Variants in NECTIN2 observed in about 807,000 individuals in gnomAD.
The protein encoded by NECTIN2 is nectin cell adhesion molecule 2.
Under a neutral mutation model 56.9 loss-of-function variants are expected in NECTIN2, and 23 were observed. The observed-to-expected ratio is 0.40, with a 90% CI of 0.29 to 0.57. The LOEUF (loss-of-function observed/expected upper bound fraction) is 0.57, where lower values mean the gene tolerates loss of function less well. Ranked by LOEUF, NECTIN2 falls within the 20% of genes least tolerant of loss-of-function variation. The pLI is 0.38. For missense variants in NECTIN2, 587 were observed against 718.3 expected (o/e 0.82, Z 2.09); for synonymous variants, 302 against 313.8 (o/e 0.96, Z 0.40).
Position 44,888,532 on chromosome 19 carries a change from C to A in NECTIN2, c.*153C>A. The A allele has an allele frequency of 1.2e-6, 1 of 802,438 alleles. No individual in the cohort carries two copies. The highest frequency in any genetic ancestry group is 2.7e-5 in the East Asian group (1 of 37,062). 49.7% of individuals were successfully genotyped at this position (802,438 alleles called of 1,614,324 possible). A position where few individuals can be genotyped will look rare whatever the true frequency, so the allele number is the denominator to read the frequency against. On this transcript the variant is annotated 3_prime_UTR_variant, in exon 9 of 9. Coordinates refer to ENST00000252483, the MANE Select transcript of NECTIN2 (RefSeq NM_001042724.2). Reference sequence around the variant, plus strand: ...CTACCTTGGTGGCTCCACTATGACCCCTAACCCATGAGCCCAGAGAAATTC... The same window carrying A: ...CTACCTTGGTGGCTCCACTATGACCACTAACCCATGAGCCCAGAGAAATTC...
chr19:44,879,055 G>A lies in NECTIN2; in HGVS notation c.1043-3156G>A, dbSNP rs749661696. ...GAGCTGATCCACGCCCCCGGGGAACGAGAGCCTGGCAGGGGTTAGACTGGG... is the reference window on the plus strand; with the variant it reads ...GAGCTGATCCACGCCCCCGGGGAACAAGAGCCTGGCAGGGGTTAGACTGGG... On this transcript the variant is annotated intron_variant, in intron 5 of 8. Coordinates refer to ENST00000252483, the MANE Select transcript of NECTIN2 (RefSeq NM_001042724.2). 1.7e-5 allele frequency: 7 copies of A among 416,560 alleles called. No homozygotes were observed. In the Admixed American group the frequency reaches 1.7e-4, roughly 10 times the overall value. 25.8% of individuals were successfully genotyped at this position (416,560 alleles called of 1,614,324 possible).
intron 1 of NECTIN2, 117 bp downstream of exon 1, chr19:44,846,730 G>A (rs1968839935): frequency 7.6e-6 from 9 of 1,181,622 alleles, no homozygotes; most frequent in Non-Finnish European, 8.8e-6. Context: ...CCCCTCTCGC[G>A]TGCCCCCTTC....
intron 5 of NECTIN2, chr19:44,878,876 T>A (rs1208348653): frequency 9.2e-6 from 12 of 1,297,760 alleles, no homozygotes; most frequent in Non-Finnish European, 9.7e-6. Context: ...GACTTGGTTT[T>A]GGCTCCAGCC....
intron 1 of NECTIN2, among the ~76,000 whole-genome samples, chr19:44,857,871 G>A (rs928646235): frequency 6.6e-6 from 1 of 152,158 alleles, no homozygotes; most frequent in Non-Finnish European, 1.5e-5. Flanking sequence ...AAGGAACAAA[G>A]AAGAGAGAGT....
intron 6 of NECTIN2, among the ~76,000 whole-genome samples, chr19:44,884,882 G>A (rs1173426614): frequency 6.6e-6 from 1 of 152,136 alleles, no homozygotes; most frequent in Admixed American, 6.6e-5. Flanking sequence ...GGACAGGAAG[G>A]CACTTCATTT....
At chr19:44,878,736 C>G in intron 5 of NECTIN2, 1 of 1,467,284 alleles carries the variant, frequency 6.8e-7, no homozygotes, top group Non-Finnish European at 9.0e-7. Context: ...TGGAGTGGAA[C>G]ACTGCCTCCC....
rs1236468915 is a variant in NECTIN2, at chr19:44,874,637, G to A, written c.1042+159G>A. On this transcript the variant is annotated intron_variant, in intron 5 of 8. Coordinates refer to ENST00000252483, the MANE Select transcript of NECTIN2 (RefSeq NM_001042724.2). The surrounding 1 kb of genome is among the most constrained non-coding windows in gnomAD (Gnocchi z 6.3). ...GGAGATGAGGGTTGGCCTTCCCCTC[G>A]TGGCCTCAGACTGGGGTCTGGATTT... 1.2e-5 allele frequency: 11 copies of A among 882,658 alleles called. No homozygotes were observed. Among genetic ancestry groups the A allele is most frequent in the Middle Eastern group, 7.0e-4 (2 of 2,866 alleles). The allele number at this position is 882,658 out of a possible 1,614,324, so 54.7% of individuals were successfully genotyped here.
chr19:44,856,386 T>G (rs1434631451), intron 1 of NECTIN2, among the ~76,000 whole-genome samples: 1 of 152,188 alleles, frequency 6.6e-6, no homozygotes, highest in African/African-American at 2.4e-5. Context: ...CAACTTTTTG[T>G]GTCATTTTGC....
At chr19:44,853,714 C>G (rs2122633145) in intron 1 of NECTIN2, among the ~76,000 whole-genome samples, 1 of 152,304 alleles carries the variant, frequency 6.6e-6, no homozygotes, top group South Asian at 2.1e-4. Context: ...GTCTCAAACT[C>G]CTGACCTCGT....
intron 3 of NECTIN2, 62 bp downstream of exon 3, chr19:44,872,211 A>C (rs1408481485): frequency 6.4e-7 from 1 of 1,555,236 alleles, no homozygotes; most frequent in Non-Finnish European, 8.8e-7. Context: ...TCTCTAAAGC[A>C]CTGTCTACAT....
At chr19:44,878,692 C>A (rs1969273302) in intron 5 of NECTIN2, 1 of 1,513,530 alleles carries the variant, frequency 6.6e-7, no homozygotes, top group African/African-American at 1.4e-5. Context: ...GCCTAGGGTT[C>A]CAGACTGGTT....
intron 6 of NECTIN2, among the ~76,000 whole-genome samples, chr19:44,884,454 C>T (rs537302985): frequency 2.0e-4 from 31 of 152,248 alleles, no homozygotes; most frequent in African/African-American, 7.2e-4. Flanking sequence ...CATGCCCAGC[C>T]TGGAATCTGT....
intron 8 of NECTIN2, among the ~76,000 whole-genome samples, chr19:44,887,661 C>A (rs894045591): frequency 3.3e-5 from 5 of 151,884 alleles, no homozygotes; most frequent in Non-Finnish European, 5.9e-5. Flanking sequence ...CAAAAAAAAA[C>A]AGAATGAAAG....
intron 1 of NECTIN2, among the ~76,000 whole-genome samples, chr19:44,864,041 A>T (rs974093709): frequency 6.6e-6 from 1 of 151,722 alleles, no homozygotes; most frequent in Non-Finnish European, 1.5e-5. Flanking sequence ...ATCTTATGAA[A>T]ATTTTGGGGT....
At position 44,861,963 on chromosome 19, in the gene NECTIN2, A is replaced by T. The variant is rs537868183; in HGVS notation, c.89-3308A>T. On this transcript the variant is annotated intron_variant, in intron 1 of 8. Transcript: ENST00000252483. ...ATTCCTCAAAGATCTAGAACCAGAA[A>T]TACCATTTGACCCAGCAATCCCATT... is the stretch of plus-strand genomic sequence containing the variant. Among the ~76,000 whole-genome samples the T allele has an allele frequency of 6.6e-5, 10 of 152,352 alleles. No individual in the cohort carries two copies. The East Asian group carries it at 1.4e-3, about 21-fold the overall frequency.
chr19:44,882,690 CAAAAAAAAA>C (rs35741405), intron 6 of NECTIN2, among the ~76,000 whole-genome samples: 426 of 38,340 alleles, frequency 0.011, 5 homozygotes, highest in African/African-American at 0.04. Context: ...CCCCCATCTA[CAAAAAAAAA>C]AAAAAAAAAA....
chr19:44,888,496 A>G lies in NECTIN2; in HGVS notation c.*117A>G. ...CTGTCAGTTAACACATATGCATTCC[A>G]TTTGTGATGTCTACCTTGGTGGCTC... is the stretch of plus-strand genomic sequence containing the variant. On this transcript the variant is annotated 3_prime_UTR_variant, in exon 9 of 9. Transcript: ENST00000252483. 8.9e-7 allele frequency: 1 copy of G among 1,124,084 alleles called. No homozygotes were observed. The highest frequency in any genetic ancestry group is 1.3e-6 in the Non-Finnish European group (1 of 792,356). The allele number at this position is 1,124,084 out of a possible 1,614,324, so 69.6% of individuals were successfully genotyped here.
At chr19:44,883,105 C>T (rs543627450) in intron 6 of NECTIN2, among the ~76,000 whole-genome samples, 2 of 152,168 alleles carry the variant, frequency 1.3e-5, no homozygotes, top group South Asian at 2.1e-4. Context: ...GAAGAAAGGG[C>T]GGTTCCTAAA....
intron 8 of NECTIN2, among the ~76,000 whole-genome samples, chr19:44,886,765 G>T (rs1371750808): frequency 6.6e-6 from 1 of 151,858 alleles, no homozygotes; most frequent in Admixed American, 6.6e-5. Context: ...CCTGGGCCGG[G>T]CATGGTGGCT....
Sources: gnomAD v4.1 joint callset for allele counts (sites outside exome capture counted in the v4.1 genomes callset) on GRCh38, gnomAD v4.1.1 for gene constraint, Gnocchi (gnomAD v3.1) non-coding constraint, MANE v1.5 for transcripts, NCBI Gene and HGNC (gene_info 2026-07-23, HGNC 2026-07-21) for gene names.